The following ZNF112 variants were observed in gnomAD, a reference collection of about 807,000 sequenced individuals.
ZNF112 encodes the protein zinc finger protein 112 (Y14).
In ZNF112, 37 loss-of-function variants were observed where a neutral mutation model predicts 77.7. That is an observed-to-expected ratio of 0.48 (90% CI 0.37 to 0.63). The LOEUF (loss-of-function observed/expected upper bound fraction) is 0.63, where lower values mean the gene tolerates loss of function less well. ZNF112 is among the 20% of genes least tolerant of loss of function. ZNF112 has a pLI of 0.00. For synonymous variants in ZNF112, 333 were observed against 363.6 expected, an observed-to-expected ratio of 0.92 and a Z score of 0.96; for missense variants, 950 against 1,077.4, an observed-to-expected ratio of 0.88 and a Z score of 1.66.
At chr19:44,358,156 G>GAAAAAAAAAAAAAAA (rs59023124), upstream of ZNF112, among the ~76,000 whole-genome samples, 22 of 130,384 alleles carry the variant, frequency 1.7e-4, no homozygotes, top group African/African-American at 5.9e-4. Flanking sequence ...CGTCTCAAAA[G>GAAAAAAAAAAAAAAA]AAAAAAAAAA....
chr19:44,341,531 T>C (rs1438882085), intron 1 of ZNF112, among the ~76,000 whole-genome samples: 2 of 152,206 alleles, frequency 1.3e-5, no homozygotes, highest in East Asian at 1.9e-4. Context: ...GTATAAATCA[T>C]AGTCAACACT....
intron 2 of ZNF112, among the ~76,000 whole-genome samples, chr19:44,339,936 C>T (rs981127622): frequency 6.6e-6 from 1 of 151,970 alleles, no homozygotes; most frequent in African/African-American, 2.4e-5. Flanking sequence ...CATATACATA[C>T]ATAAGTATGT....
intron 1 of ZNF112, among the ~76,000 whole-genome samples, chr19:44,356,358 G>A (rs908128311): frequency 3.9e-5 from 6 of 152,300 alleles, no homozygotes; most frequent in African/African-American, 1.4e-4. Flanking sequence ...GGCAGAGCTG[G>A]TTGATGGTCA....
upstream of ZNF112, among the ~76,000 whole-genome samples, chr19:44,357,312 A>G (rs948547502): frequency 3.4e-5 from 5 of 148,934 alleles, no homozygotes; most frequent in African/African-American, 1.3e-4. Flanking sequence ...GAGAACAGAG[A>G]AGCTTGCAAT....
chr19:44,328,733 C>A lies in ZNF112; in HGVS notation c.1424G>T (p.Ser475Ile). The A allele has an allele frequency of 6.2e-7, 1 of 1,614,000 alleles. No homozygotes were observed. Among genetic ancestry groups the A allele is most frequent in the Non-Finnish European group, 8.5e-7 (1 of 1,179,930 alleles). ...YKRYVCSNSF[S>I]HNLYLQGHPK... The stretch of plus-strand genomic sequence containing the variant: ...ATGACCTTGAAGATATAAATTATGG[C>A]TGAAGCTGTTACTACACACATAGCG... The change falls in exon 4 of 4, where the codon AGC becomes ATC. Residue 475 changes from serine (S) to isoleucine (I), a missense_variant. Ser to Ile is a moderately radical substitution (Grantham distance 142). Coordinates refer to ENST00000354340, the MANE Select transcript of ZNF112 (RefSeq NM_013380.4).
At chr19:44,350,853 T>C (rs1057111906) in intron 1 of ZNF112, among the ~76,000 whole-genome samples, 2 of 152,150 alleles carry the variant, frequency 1.3e-5, no homozygotes, top group African/African-American at 4.8e-5. Context: ...TTCTGAAATG[T>C]AGTGACATAC....
Position 44,336,613 on chromosome 19 carries a change from C to G in ZNF112, c.220+10G>C, listed in dbSNP as rs768044138. The G allele has an allele frequency of 6.2e-7, 1 of 1,609,276 alleles. No individual in the cohort carries two copies. The highest frequency in any genetic ancestry group is 8.5e-7 in the Non-Finnish European group (1 of 1,175,570). On this transcript the variant is annotated intron_variant, in intron 3 of 3. Transcript: ENST00000354340. ...CCCTGGCTGCTGTGTTCCTGCAGCACAGTTCTCACCTGAACATCCATCTCT... is the reference window on the plus strand; with the variant it reads ...CCCTGGCTGCTGTGTTCCTGCAGCAGAGTTCTCACCTGAACATCCATCTCT...
At chr19:44,346,084 C>T (rs1033619627) in intron 1 of ZNF112, among the ~76,000 whole-genome samples, 3 of 152,220 alleles carry the variant, frequency 2.0e-5, no homozygotes, top group Admixed American at 6.5e-5. Context: ...TGTATGTGCC[C>T]CGCTCTGTGA....
At chr19:44,360,265 AAAAG>A (rs1954977458), upstream of ZNF112, among the ~76,000 whole-genome samples, 2 of 151,560 alleles carry the variant, frequency 1.3e-5, no homozygotes, top group South Asian at 4.2e-4. Context: ...AAGAAAAAAA[AAAAG>A]AAAAGAAAAA....
At chr19:44,361,046 C>T (rs1403071657), upstream of ZNF112, among the ~76,000 whole-genome samples, 1 of 152,106 alleles carries the variant, frequency 6.6e-6, no homozygotes, top group African/African-American at 2.4e-5. Context: ...CATGCAATAC[C>T]ATGATGACTC....
At chr19:44,333,692 T>C (rs1470555547) in intron 3 of ZNF112, among the ~76,000 whole-genome samples, 4 of 152,206 alleles carry the variant, frequency 2.6e-5, no homozygotes, top group African/African-American at 9.6e-5. Flanking sequence ...CCCTTCACCA[T>C]CTGCCATATT....
intron 1 of ZNF112, among the ~76,000 whole-genome samples, chr19:44,363,608 C>T (rs1970875530): frequency 6.6e-6 from 1 of 152,182 alleles, no homozygotes; most frequent in African/African-American, 2.4e-5. Flanking sequence ...CATGTTGATG[C>T]ACATATTAGT....
chr19:44,361,246 C>T (rs1367661940), upstream of ZNF112, among the ~76,000 whole-genome samples: 2 of 152,132 alleles, frequency 1.3e-5, no homozygotes, highest in Admixed American at 6.5e-5. Context: ...GGGAAGAAAG[C>T]ATCATGATGC....
At chr19:44,336,107 T>C (rs1278126084) in intron 3 of ZNF112, among the ~76,000 whole-genome samples, 1 of 152,248 alleles carries the variant, frequency 6.6e-6, no homozygotes, top group Non-Finnish European at 1.5e-5. Context: ...ATACTTACTT[T>C]AGCTGATTGG....
At chr19:44,361,746 A>G (rs1970856627) in intron 1 of ZNF112, among the ~76,000 whole-genome samples, 1 of 152,224 alleles carries the variant, frequency 6.6e-6, no homozygotes, top group Admixed American at 6.5e-5. Context: ...CATGGAATGT[A>G]CAACACAAAG....
intron 2 of ZNF112, among the ~76,000 whole-genome samples, chr19:44,337,841 ACACACACAC>A (rs763366037): frequency 0.25 from 33,957 of 135,402 alleles, 5,291 homozygotes; most frequent in African/African-American, 0.52. Context: ...ACATACACAT[ACACACACAC>A]ACACACACAC....
intron 1 of ZNF112, among the ~76,000 whole-genome samples, chr19:44,366,110 G>A (rs1208497368): frequency 2.0e-5 from 3 of 152,204 alleles, no homozygotes; most frequent in Non-Finnish European, 4.4e-5. Context: ...AGCACTTTGG[G>A]AGACAGAGGC....
intron 3 of ZNF112, among the ~76,000 whole-genome samples, chr19:44,330,506 C>T (rs547463504): frequency 2.6e-4 from 39 of 152,224 alleles, no homozygotes; most frequent in African/African-American, 8.7e-4. Flanking sequence ...GAGGCCAAGT[C>T]GGGTGGATCA....
intron 2 of ZNF112, among the ~76,000 whole-genome samples, chr19:44,337,396 A>ATT (rs1568665677): frequency 3.1e-5 from 1 of 31,976 alleles, no homozygotes; most frequent in African/African-American, 9.7e-5. Flanking sequence ...TAATATATAT[A>ATT]ATATATATTT....
Sources: gnomAD v4.1 joint callset for allele counts (sites outside exome capture counted in the v4.1 genomes callset) on GRCh38, gnomAD v4.1.1 for gene constraint, MANE v1.5 for transcripts, NCBI Gene and HGNC (gene_info 2026-07-23, HGNC 2026-07-21) for gene names.